The following TTBK2 variants were observed in gnomAD, a reference collection of about 807,000 sequenced individuals.
The protein encoded by TTBK2 is tau tubulin kinase 2, also known as tau-tubulin kinase 2.
TTBK2 carries 28 observed loss-of-function variants against 110.8 expected under a neutral mutation model. The observed-to-expected ratio is 0.25, with a 90% CI of 0.19 to 0.35. The LOEUF is 0.35. Among genes scored for constraint, TTBK2 ranks in the 10% least tolerant of loss-of-function variants. TTBK2 has a pLI of 1.00. For synonymous variants in TTBK2, 532 were observed against 527.3 expected, an observed-to-expected ratio of 1.01 and a Z score of -0.12; for missense variants, 1,369 against 1,500.3, an observed-to-expected ratio of 0.91 and a Z score of 1.45.
At position 42,783,557 on chromosome 15, in the gene TTBK2, G is replaced by A. The variant is rs200405805; in HGVS notation, c.1059C>T (p.Ser353=). Residue 353 remains serine (S), a synonymous_variant, in exon 11 of 15, where the codon AGC becomes AGT. Coordinates refer to ENST00000267890, the MANE Select transcript of TTBK2 (RefSeq NM_173500.4). ...CAACAGGGATGCCATTTTCTCCATC[G>A]CTAAGCTGTTCATCTGGAAATACCT... is the stretch of plus-strand genomic sequence containing the variant. ...TDEVFPDEQL[S]DGENGIPVGV... is the part of the protein sequence containing the mutation. 2,084 of 1,613,910 alleles carry A rather than the reference G, an allele frequency of 1.3e-3. 7 individuals are homozygous for A. Among genetic ancestry groups the A allele is most frequent in the Non-Finnish European group, 1.3e-3 (1,569 of 1,179,980 alleles).
intron 6 of TTBK2, among the ~76,000 whole-genome samples, chr15:42,826,030 A>C (rs1892523203): frequency 6.6e-6 from 1 of 152,100 alleles, no homozygotes; most frequent in South Asian, 2.1e-4. Context: ...ATATATATAT[A>C]GCAAGACAAA....
At chr15:42,785,114 GATTT>G (rs746239697) in intron 10 of TTBK2, among the ~76,000 whole-genome samples, 6 of 122,686 alleles carry the variant, frequency 4.9e-5, no homozygotes, top group African/African-American at 1.8e-4. Flanking sequence ...TTCACTTGCA[GATTT>G]TTTTTTTTTT....
chr15:42,878,018 TAA>T (rs58433944), intron 2 of TTBK2, among the ~76,000 whole-genome samples: 30 of 137,050 alleles, frequency 2.2e-4, no homozygotes, highest in African/African-American at 5.8e-4. Flanking sequence ...TTTTCCTTAA[TAA>T]AAAAAAAAAA....
intron 1 of TTBK2, among the ~76,000 whole-genome samples, chr15:42,881,968 A>G (rs947707686): frequency 6.6e-6 from 1 of 152,174 alleles, no homozygotes; most frequent in South Asian, 2.1e-4. Flanking sequence ...GTGTCAGAGT[A>G]AAGAGTCAGT....
intron 9 of TTBK2, among the ~76,000 whole-genome samples, chr15:42,797,189 C>T (rs1465284496): frequency 6.6e-6 from 1 of 152,170 alleles, no homozygotes; most frequent in Admixed American, 6.5e-5. Context: ...TACAGGGGAG[C>T]CTTGCTATGT....
chr15:42,793,451 G>A (rs975694149), intron 10 of TTBK2, among the ~76,000 whole-genome samples: 26 of 152,262 alleles, frequency 1.7e-4, no homozygotes, highest in African/African-American at 6.3e-4. Flanking sequence ...TGAGGTAGGA[G>A]GATTGCTTCA....
At chr15:42,775,000 A>T in intron 13 of TTBK2, 135 bp downstream of exon 13, 3 of 827,536 alleles carry the variant, frequency 3.6e-6, no homozygotes, top group South Asian at 3.1e-5. Context: ...TATAGAACTT[A>T]GTACAAAATC....
At chr15:42,815,892 AAATATATATATATATTT>A (rs1891925781) in intron 7 of TTBK2, among the ~76,000 whole-genome samples, 1 of 101,650 alleles carries the variant, frequency 9.8e-6, no homozygotes, top group African/African-American at 5.6e-5. Flanking sequence ...ATATATTTAA[AAATATATATATATATTT>A]AAAAATATAT....
intron 3 of TTBK2, 22 bp downstream of exon 3, chr15:42,872,589 G>T: frequency 6.2e-7 from 1 of 1,611,890 alleles, no homozygotes; most frequent in Admixed American, 1.7e-5. Context: ...ATCATAAATT[G>T]TATATTCTAC....
At chr15:42,883,916 A>C (rs1040833400) in intron 1 of TTBK2, among the ~76,000 whole-genome samples, 1 of 152,170 alleles carries the variant, frequency 6.6e-6, no homozygotes, top group African/African-American at 2.4e-5. Flanking sequence ...ATGTAGGTTA[A>C]AAGAAACGGG....
rs766351375 is a variant in TTBK2, at chr15:42,777,186, T to C, written c.1254A>G (p.Pro418=). The change falls in exon 12 of 15, where the codon CCA becomes CCG. Residue 418 remains proline (P), a synonymous_variant. Transcript: ENST00000267890. The stretch of plus-strand genomic sequence containing the variant: ...GGACACGAATTGGTGACCCAAGGCT[T>C]GGAGCATTGAGAAGACCATTTGCCT... ...HGQANGLLNA[P]SLGSPIRVRS... 1 of 1,614,212 alleles carries C rather than the reference T, an allele frequency of 6.2e-7. No homozygotes were observed. Among genetic ancestry groups the C allele is most frequent in the Non-Finnish European group, 8.5e-7 (1 of 1,180,036 alleles).
chr15:42,823,287 A>G lies in TTBK2; in HGVS notation c.537+4641T>C, dbSNP rs1427737481. 2.0e-5 allele frequency among the ~76,000 whole-genome samples: 3 copies of G among 152,230 alleles called. No homozygotes were observed. The East Asian group carries it at 5.8e-4, about 29-fold the overall frequency. On this transcript the variant is annotated intron_variant, in intron 6 of 14. Coordinates refer to ENST00000267890, the MANE Select transcript of TTBK2 (RefSeq NM_173500.4). ...AAAAGCAGGATACATACAAAAAATG[A>G]ACAGGCAGATTCAAATCATTAGGTA...
At chr15:42,887,118 G>A (rs1222822677) in intron 1 of TTBK2, among the ~76,000 whole-genome samples, 1 of 152,128 alleles carries the variant, frequency 6.6e-6, no homozygotes, top group Non-Finnish European at 1.5e-5. Flanking sequence ...AGTGTTGTGG[G>A]TATTGACAGC....
intron 1 of TTBK2, among the ~76,000 whole-genome samples, chr15:42,899,650 G>C (rs1895806320): frequency 6.6e-6 from 1 of 152,072 alleles, no homozygotes; most frequent in Non-Finnish European, 1.5e-5. Flanking sequence ...TGAGGCAGGG[G>C]AATCACTTGA....
chr15:42,802,264 C>T (rs1891251543), intron 9 of TTBK2: 2 of 804,540 alleles, frequency 2.5e-6, no homozygotes, highest in Non-Finnish European at 4.4e-6. Context: ...ACCCAGGCCA[C>T]CCCGGAAGCT....
intron 1 of TTBK2, among the ~76,000 whole-genome samples, chr15:42,918,952 T>A (rs1029112853): frequency 9.2e-5 from 14 of 152,208 alleles, no homozygotes; most frequent in Non-Finnish European, 2.1e-4. Context: ...TGATATTATA[T>A]ATTAAATTAA....
chr15:42,825,440 G>T (rs2140973206), intron 6 of TTBK2, among the ~76,000 whole-genome samples: 1 of 152,312 alleles, frequency 6.6e-6, no homozygotes, highest in South Asian at 2.1e-4. Context: ...TTCAGGTGTG[G>T]TGGCTCATGC....
intron 1 of TTBK2, among the ~76,000 whole-genome samples, chr15:42,900,444 C>A (rs2141187591): frequency 6.6e-6 from 1 of 152,268 alleles, no homozygotes; most frequent in East Asian, 1.9e-4. Flanking sequence ...TAGGGCTGGG[C>A]ATGGTGGCTC....
In TTBK2 at chr15:42,855,837, A is replaced by T. The variant is rs138162035; in HGVS notation, c.218-15404T>A. Reference sequence around the variant, plus strand: ...GCAGCTGGGACTACAGGCGCCCGCCACCTCGCCCGGCTAATTTTTTTGTAT... The same window carrying T: ...GCAGCTGGGACTACAGGCGCCCGCCTCCTCGCCCGGCTAATTTTTTTGTAT... On this transcript the variant is annotated intron_variant, in intron 3 of 14. Coordinates refer to ENST00000267890, the MANE Select transcript of TTBK2 (RefSeq NM_173500.4). Among the ~76,000 whole-genome samples the T allele has an allele frequency of 8.5e-3, 1,300 of 152,076 alleles. 20 individuals are homozygous for T. The highest frequency in any genetic ancestry group is 0.03 in the African/African-American group (1,231 of 41,484).
Sources: allele counts gnomAD v4.1 joint callset (sites outside exome capture counted in the v4.1 genomes callset), GRCh38; gene constraint gnomAD v4.1.1; transcripts MANE v1.5; gene names NCBI Gene and HGNC (gene_info 2026-07-23, HGNC 2026-07-21).